Variants in IL3RA observed in about 807,000 individuals in gnomAD.
IL3RA encodes interleukin-3 receptor subunit alpha.
In IL3RA, 73 loss-of-function variants were observed where a neutral mutation model predicts 52.3. That is an observed-to-expected ratio of 1.40 (90% CI 1.16 to 1.70). The LOEUF (loss-of-function observed/expected upper bound fraction) is 1.70, where lower values mean the gene tolerates loss of function less well. IL3RA is among the 40% of genes most tolerant of loss of function. The pLI is 0.00. For missense variants in IL3RA, 664 were observed against 504.4 expected (o/e 1.32, Z -3.03); for synonymous variants, 260 against 194.0 (o/e 1.34, Z -2.83).
intron 4 of IL3RA, among the ~76,000 whole-genome samples, chrX:1,349,374 G>A (rs1288130050): frequency 1.3e-5 from 2 of 151,830 alleles, no homozygotes; most frequent in Non-Finnish European, 2.9e-5. Flanking sequence ...TAGAGATGGG[G>A]TTTCACCATG....
At chrX:1,368,702 T>C (rs1309173138) in intron 9 of IL3RA, among the ~76,000 whole-genome samples, 1 of 151,568 alleles carries the variant, frequency 6.6e-6, no homozygotes, top group East Asian at 2.0e-4. Context: ...GGGACGACCC[T>C]GTGGGACACA....
chrX:1,341,324 C>A, intron 1 of IL3RA, among the ~76,000 whole-genome samples: 1 of 151,384 alleles, frequency 6.6e-6, no homozygotes, highest in East Asian at 1.9e-4. Context: ...AGAAAACACA[C>A]AAACACTTAT....
chrX:1,343,666 CAA>C (rs760518972), intron 2 of IL3RA, among the ~76,000 whole-genome samples: 118 of 68,654 alleles, frequency 1.7e-3, no homozygotes, highest in Middle Eastern at 8.9e-3. Flanking sequence ...GGCTCCATCT[CAA>C]AAAAAAAAAA....
Position 1,356,220 on chromosome X carries a change from G to C in IL3RA, c.617-1G>C, listed in dbSNP as rs766911638. On this transcript the variant is annotated splice_acceptor_variant, in intron 6 of 11. Transcript: ENST00000331035. LOFTEE classifies it high-confidence loss of function. ...CCTAAAAGTGTTTTTCTCGTTGCTA[G>C]AGATATTAACTCCACCCAACATGAC... The C allele has an allele frequency of 5.1e-6, 8 of 1,573,500 alleles. No individual in the cohort carries two copies. The highest frequency in any genetic ancestry group is 3.5e-6 in the Non-Finnish European group (4 of 1,146,210).
intron 4 of IL3RA, among the ~76,000 whole-genome samples, chrX:1,349,950 C>A (rs1259974256): frequency 6.6e-6 from 1 of 151,874 alleles, no homozygotes; most frequent in African/African-American, 2.4e-5. Context: ...CTGTGCCGGG[C>A]CTCAATTTAA....
In IL3RA at chrX:1,356,206, T is replaced by G; in HGVS notation, c.617-15T>G. 6.7e-7 allele frequency: 1 copy of G among 1,500,474 alleles called. No homozygotes were observed. Among genetic ancestry groups the G allele is most frequent in the Non-Finnish European group, 9.2e-7 (1 of 1,086,642 alleles). The allele number at this position is 1,500,474 out of a possible 1,614,324, so 92.9% of individuals were successfully genotyped here. ...TTGTACTCCTAAATCCTAAAAGTGTTTTTCTCGTTGCTAGAGATATTAACT... is the reference window on the plus strand; with the variant it reads ...TTGTACTCCTAAATCCTAAAAGTGTGTTTCTCGTTGCTAGAGATATTAACT... On this transcript the variant is annotated splice_polypyrimidine_tract_variant and intron_variant, in intron 6 of 11. Coordinates refer to ENST00000331035, the MANE Select transcript of IL3RA (RefSeq NM_002183.4).
At position 1,382,442 on chromosome X, in the gene IL3RA, G is replaced by C; in HGVS notation, c.1114G>C (p.Val372Leu). The C allele has an allele frequency of 6.2e-7, 1 of 1,613,976 alleles. No individual in the cohort carries two copies. Among genetic ancestry groups the C allele is most frequent in the Non-Finnish European group, 8.5e-7 (1 of 1,179,868 alleles). The change falls in exon 12 of 12, where the codon GTA becomes CTA. Residue 372 changes from valine (V) to leucine (L), a missense_variant. Transcript: ENST00000331035. ...CCTGGAGGAGTGTCTGGTGACTGAA[G>C]TACAGGTCGTGCAGAAAACTTGAGA... ...AGLEECLVTE[V>L]QVVQKT is the part of the protein sequence containing the mutation.
chrX:1,352,862 T>TAATAGGAC (rs2086184281), intron 6 of IL3RA, among the ~76,000 whole-genome samples: 1 of 150,742 alleles, frequency 6.6e-6, no homozygotes, highest in African/African-American at 2.4e-5. Flanking sequence ...CCATCATGGG[T>TAATAGGAC]CCCATCATGG....
intron 1 of IL3RA, among the ~76,000 whole-genome samples, chrX:1,340,119 T>TC (rs1331048416): frequency 6.6e-5 from 9 of 137,364 alleles, no homozygotes; most frequent in South Asian, 2.2e-4. Context: ...TCTTTTCTTT[T>TC]TTTTTTTTTT....
chrX:1,343,666 C>CAAAAAAAAA (rs760518972), intron 2 of IL3RA, among the ~76,000 whole-genome samples: 2 of 68,656 alleles, frequency 2.9e-5, no homozygotes, highest in African/African-American at 9.1e-5. Flanking sequence ...GGCTCCATCT[C>CAAAAAAAAA]AAAAAAAAAA....
In IL3RA at chrX:1,378,182, C is replaced by CA. The variant is rs370693489; in HGVS notation, c.875-461dup. 5.5e-3 allele frequency among the ~76,000 whole-genome samples: 471 copies of CA among 86,052 alleles called. 3 individuals are homozygous for CA. Among genetic ancestry groups the CA allele is most frequent in the Non-Finnish European group, 8.0e-3 (319 of 39,638 alleles). 56.5% of individuals were successfully genotyped at this position (86,052 alleles called of 152,430 possible). ...TGGGCGACAAAACGAGACTCCATCT[C>CA]AAAAAAAAAAAAAAAAGAAAAAGAA... On this transcript the variant is annotated intron_variant, in intron 9 of 11. Coordinates refer to ENST00000331035, the MANE Select transcript of IL3RA (RefSeq NM_002183.4).
At chrX:1,380,327 C>CA (rs2089084045) in intron 10 of IL3RA, among the ~76,000 whole-genome samples, 1 of 143,782 alleles carries the variant, frequency 7.0e-6, no homozygotes, top group African/African-American at 2.6e-5. Flanking sequence ...CATGACCAGC[C>CA]AGGCCCTGTT....
At chrX:1,379,654 C>T (rs1347086044) in intron 10 of IL3RA, among the ~76,000 whole-genome samples, 2 of 152,208 alleles carry the variant, frequency 1.3e-5, no homozygotes, top group South Asian at 2.1e-4. Context: ...GCTTTCTGGT[C>T]GGGAAGGGGC....
chrX:1,378,058 C>T (rs1371407243), intron 9 of IL3RA, among the ~76,000 whole-genome samples: 9 of 150,488 alleles, frequency 6.0e-5, no homozygotes, highest in African/African-American at 1.7e-4. Flanking sequence ...TGGTGGCGGG[C>T]GCCTGTAGTC....
Position 1,345,378 on chromosome X carries a change from C to T in IL3RA, c.127C>T (p.Leu43Phe), listed in dbSNP as rs759237797. 17 of 1,611,116 alleles carry T rather than the reference C, an allele frequency of 1.1e-5. No individual in the cohort carries two copies. Among genetic ancestry groups the T allele is most frequent in the African/African-American group, 2.7e-5 (2 of 74,630 alleles). The change falls in exon 3 of 12, where the codon CTT becomes TTT. Residue 43 changes from leucine to phenylalanine, a missense_variant. Leu to Phe is a conservative substitution (Grantham distance 22). Transcript: ENST00000331035. ...KAKAQQLTWDLNRNVTDIECV... is the reference protein window; with the variant it reads ...KAKAQQLTWDFNRNVTDIECV... ...AAAGGCTCAGCAGTTGACCTGGGAC[C>T]TTAACAGAAATGTGACCGATATCGA...
chrX:1,347,962 G>A (rs1385498741), intron 3 of IL3RA, among the ~76,000 whole-genome samples: 12 of 151,022 alleles, frequency 7.9e-5, no homozygotes, highest in South Asian at 2.1e-4. Context: ...GCATGAACCC[G>A]GGAGGGAGAG....
chrX:1,379,530 G>A (rs1336207403), intron 10 of IL3RA, among the ~76,000 whole-genome samples: 1 of 152,222 alleles, frequency 6.6e-6, no homozygotes, highest in Non-Finnish European at 1.5e-5. Flanking sequence ...GGTCTGTAGA[G>A]CCAAAGCTGA....
intron 8 of IL3RA, among the ~76,000 whole-genome samples, chrX:1,360,820 GC>G (rs1569524726): frequency 6.6e-6 from 1 of 151,384 alleles, no homozygotes; most frequent in South Asian, 2.1e-4. Flanking sequence ...GAGCCACCGT[GC>G]CCGGCCCCTC....
chrX:1,348,086 C>A (rs1173113458), intron 3 of IL3RA, among the ~76,000 whole-genome samples: 3 of 149,426 alleles, frequency 2.0e-5, no homozygotes, highest in African/African-American at 7.5e-5. Context: ...GTGGCTCACG[C>A]CTGTAATCCC....
Sources: gnomAD v4.1 joint callset for allele counts (sites outside exome capture counted in the v4.1 genomes callset) on GRCh38, gnomAD v4.1.1 for gene constraint, MANE v1.5 for transcripts, NCBI Gene and HGNC (gene_info 2026-07-23, HGNC 2026-07-21) for gene names.